The following TNXB variants were observed in gnomAD, a reference collection of about 807,000 sequenced individuals.
TNXB encodes the protein tenascin XB.
A neutral mutation model predicts 340.5 loss-of-function variants in TNXB; 183 were observed. The observed-to-expected ratio is 0.54, with a 90% CI of 0.48 to 0.61. The LOEUF (loss-of-function observed/expected upper bound fraction) is 0.61. Ranked by LOEUF, TNXB falls within the 20% of genes least tolerant of loss-of-function variation. The probability of loss-of-function intolerance (pLI) is 0.00; values close to 1 mark genes in which losing one functional copy is unlikely to be tolerated. For synonymous variants in TNXB, 2,121 were observed against 2,314.5 expected, an observed-to-expected ratio of 0.92 and a Z score of 2.40; for missense variants, 4,613 against 5,446.4, an observed-to-expected ratio of 0.85 and a Z score of 4.82.
At chr6:32,065,719 A>G (rs1778300410) in intron 18 of TNXB, among the ~76,000 whole-genome samples, 1 of 152,232 alleles carries the variant, frequency 6.6e-6, no homozygotes, top group Admixed American at 6.5e-5. Flanking sequence ...TCCTGGGTGC[A>G]AGCAATTTCT....
Position 32,082,261 on chromosome 6 carries a change from T to A in TNXB, c.3511A>T (p.Thr1171Ser). The change falls in exon 9 of 44, where the codon ACC becomes TCC. Residue 1171 changes from threonine (T) to serine (S), a missense_variant. This residue lies in a region of TNXB where 4,327 missense variants were observed against 4,859.4 expected (regional missense o/e 0.89). Coordinates refer to ENST00000644971, the MANE Select transcript of TNXB (RefSeq NM_001365276.2). The surrounding 1 kb of genome is among the most constrained non-coding windows in gnomAD (Gnocchi z 5.0). ...HLGNLWVTDP[T>S]PDSLHLSWTV... ...CAGGAGAGGTGCAGTGAATCTGGGG[T>A]AGGGTCTGTCACCCACAGGTTTCCC... 1 of 1,607,176 alleles carries A rather than the reference T, an allele frequency of 6.2e-7. No individual in the cohort carries two copies. Among genetic ancestry groups the A allele is most frequent in the Non-Finnish European group, 8.5e-7 (1 of 1,177,436 alleles).
At position 32,081,357 on chromosome 6, in the gene TNXB, C is replaced by A; in HGVS notation, c.4042+11G>T. On this transcript the variant is annotated intron_variant, in intron 10 of 43. Transcript: ENST00000644971. This position sits in a 1 kb window ranked among gnomAD's most constrained non-coding sequence, Gnocchi z 5.1. ...CTAGCAGGGGAGGGAGGCCTGGCAG[C>A]CATGACTCACCAGTCTTGGCCACCA... 2 of 1,526,782 alleles carry A rather than the reference C, an allele frequency of 1.3e-6. No homozygotes were observed. The highest frequency in any genetic ancestry group is 8.8e-7 in the Non-Finnish European group (1 of 1,129,962). 94.6% of individuals were successfully genotyped at this position (1,526,782 alleles called of 1,614,324 possible).
intron 23 of TNXB, among the ~76,000 whole-genome samples, 164 bp downstream of exon 23, chr6:32,056,422 G>A (rs1777645933): frequency 6.6e-6 from 1 of 152,096 alleles, no homozygotes. Context: ...CTGCTCAGGA[G>A]GAGCCAGGGG....
In TNXB at chr6:32,070,290, C is replaced by T; in HGVS notation, c.5115G>A (p.Val1705=). The change falls in exon 14 of 44, where the codon GTG becomes GTA. Residue 1705 remains valine (V), a synonymous_variant. Transcript: ENST00000644971. The surrounding 1 kb of genome is among the most constrained non-coding windows in gnomAD (Gnocchi z 6.0). The part of the protein sequence containing the change: ...TVPEGQFDSF[V]VQFKDKDGPQ... ...GCCCGTCTTTGTCCTTGAACTGGAC[C>T]ACAAAAGAGTCGAACTGGCCCTCAG... The T allele has an allele frequency of 6.2e-7, 1 of 1,613,122 alleles. No homozygotes were observed. The highest frequency in any genetic ancestry group is 8.5e-7 in the Non-Finnish European group (1 of 1,179,584).
chr6:32,094,263 C>T (rs1780213504), intron 4 of TNXB, among the ~76,000 whole-genome samples: 1 of 150,884 alleles, frequency 6.6e-6, no homozygotes, highest in Non-Finnish European at 1.5e-5. Flanking sequence ...TAACATTGAA[C>T]AGGGCCAAAT....
At position 32,069,194 on chromosome 6, in the gene TNXB, CAGG is replaced by C; in HGVS notation, c.5588-61_5588-59del. 2 of 1,516,676 alleles carry C rather than the reference CAGG, an allele frequency of 1.3e-6. No homozygotes were observed. Among genetic ancestry groups the C allele is most frequent in the Non-Finnish European group, 8.9e-7 (1 of 1,127,734 alleles). 94.0% of individuals were successfully genotyped at this position (1,516,676 alleles called of 1,614,324 possible). On this transcript the variant is annotated intron_variant, in intron 15 of 43. Coordinates refer to ENST00000644971, the MANE Select transcript of TNXB (RefSeq NM_001365276.2). This position sits in a 1 kb window ranked among gnomAD's most constrained non-coding sequence, Gnocchi z 6.2. ...TGGTGTGTCGCTGCACCCAGACTCT[CAGG>C]AGGAGTGAGGGAGGAGAGGGAGTGA...
rs1384747619 is a variant in TNXB at position 32,073,931 on chromosome 6, G to A, written c.4397C>T (p.Pro1466Leu). The A allele has an allele frequency of 7.5e-6, 12 of 1,601,430 alleles. No individual in the cohort carries two copies. The highest frequency in any genetic ancestry group is 2.2e-5 in the East Asian group (1 of 44,690). The change falls in exon 12 of 44, where the codon CCT becomes CTT. Residue 1466 changes from proline to leucine, a missense_variant. Coordinates refer to ENST00000644971, the MANE Select transcript of TNXB (RefSeq NM_001365276.2). This position sits in a 1 kb window ranked among gnomAD's most constrained non-coding sequence, Gnocchi z 4.6. ...GVTAPQQEET[P>L]PATESPLEPR... The stretch of plus-strand genomic sequence containing the variant: ...CTCCAGCGGGGACTCAGTGGCTGGA[G>A]GGGTCTCTTCTTGTTGTGGGGCTGG...
At position 32,097,532 on chromosome 6, in the gene TNXB, C is replaced by G. The variant is rs1304487522; in HGVS notation, c.404-83G>C. 6.7e-7 allele frequency: 1 copy of G among 1,481,642 alleles called. No homozygotes were observed. 91.8% of individuals were successfully genotyped at this position (1,481,642 alleles called of 1,614,324 possible). A position where few individuals can be genotyped will look rare whatever the true frequency, so the allele number is the denominator to read the frequency against. ...TATGTAGTGCTCCTATGTGCAGGCCCCTAGCCAGGCTAGCCTCATCTCATA... is the reference window on the plus strand; with the variant it reads ...TATGTAGTGCTCCTATGTGCAGGCCGCTAGCCAGGCTAGCCTCATCTCATA... On this transcript the variant is annotated intron_variant, in intron 2 of 43. Transcript: ENST00000644971. This position sits in a 1 kb window ranked among gnomAD's most constrained non-coding sequence, Gnocchi z 5.9.
rs768579099 is a variant in TNXB at position 32,056,147 on chromosome 6, G to A, written c.8171C>T (p.Thr2724Met). 5.0e-6 allele frequency: 8 copies of A among 1,612,120 alleles called. No homozygotes were observed. In the Admixed American group the frequency reaches 5.0e-5, roughly 10 times the overall value. Residue 2724 changes from threonine (T) to methionine (M), a missense_variant, in exon 24 of 44, where the codon ACG becomes ATG. Around this residue, in one of 7 missense-constraint regions of TNXB, gnomAD observed 4,327 missense variants for 4,859.4 expected, o/e 0.89. Coordinates refer to ENST00000644971, the MANE Select transcript of TNXB (RefSeq NM_001365276.2). ...CTCCGGGGCCTCAGTGCTGAGTTCC[G>A]TGGGGCTGGGGGTCTCTTCCTCTGC... ...TAAEEETPSP[T>M]ELSTEAPEPP... is the part of the protein sequence containing the mutation.
chr6:32,088,343 G>A (rs912899039), intron 6 of TNXB, among the ~76,000 whole-genome samples: 1 of 152,116 alleles, frequency 6.6e-6, no homozygotes, highest in Non-Finnish European at 1.5e-5. Context: ...AAGAAACCTC[G>A]AGGTTTAGTG....
chr6:32,098,339 C>G, intron 1 of TNXB, 133 bp from the exon 2 acceptor site: 3 of 711,008 alleles, frequency 4.2e-6, no homozygotes, highest in Non-Finnish European at 6.4e-6. Context: ...TAAAAATTCA[C>G]ATTCCGCCCA....
At chr6:32,099,032 T>C (rs1582483849) in intron 1 of TNXB, among the ~76,000 whole-genome samples, 1 of 152,196 alleles carries the variant, frequency 6.6e-6, no homozygotes, top group Non-Finnish European at 1.5e-5. Context: ...AATGCTACAA[T>C]GGGAGCTCCT....
chr6:32,107,280 T>C (rs977179538), intron 1 of TNXB, among the ~76,000 whole-genome samples: 3 of 151,878 alleles, frequency 2.0e-5, no homozygotes, highest in Non-Finnish European at 4.4e-5. Context: ...GCAGAGAGGG[T>C]CTTTGCACCA....
In TNXB at chr6:32,051,788, T is replaced by C. The variant is rs1391396740; in HGVS notation, c.9115+882A>G. 2.6e-5 allele frequency among the ~76,000 whole-genome samples: 4 copies of C among 152,032 alleles called. No individual in the cohort carries two copies. Among genetic ancestry groups the C allele is most frequent in the African/African-American group, 9.7e-5 (4 of 41,398 alleles). On this transcript the variant is annotated intron_variant, in intron 26 of 43. Coordinates refer to ENST00000644971, the MANE Select transcript of TNXB (RefSeq NM_001365276.2). This position sits in a 1 kb window ranked among gnomAD's most constrained non-coding sequence, Gnocchi z 4.7. ...ATTCTGACTGATGCTACGACATAGA[T>C]GAACCTTAAAGACATTGTATTTAAT...
At chr6:32,092,030 C>A (rs146818970) in intron 4 of TNXB, among the ~76,000 whole-genome samples, 2 of 152,230 alleles carry the variant, frequency 1.3e-5, no homozygotes, top group African/African-American at 2.4e-5. Flanking sequence ...TTCAGGAACT[C>A]ATCTCCCTCA....
chr6:32,106,551 TC>T (rs748058573), intron 1 of TNXB, among the ~76,000 whole-genome samples: 87 of 152,270 alleles, frequency 5.7e-4, no homozygotes, highest in African/African-American at 1.9e-3. Flanking sequence ...TAAACTTTTC[TC>T]CTGGATCAGA....
Position 32,068,180 on chromosome 6 carries a change from C to G in TNXB, c.6221-196G>C, listed in dbSNP as rs1366195377. Among the ~76,000 whole-genome samples the G allele has an allele frequency of 6.6e-6, 1 of 152,150 alleles. No homozygotes were observed. Among genetic ancestry groups the G allele is most frequent in the Non-Finnish European group, 1.5e-5 (1 of 68,010 alleles). Reference sequence around the variant, plus strand: ...GCTGTGGGGGACCTGGGACAGCCACCAGCACAGCAAAATTCCCGATGGCCC... The same window carrying G: ...GCTGTGGGGGACCTGGGACAGCCACGAGCACAGCAAAATTCCCGATGGCCC... On this transcript the variant is annotated intron_variant, in intron 17 of 43. Coordinates refer to ENST00000644971, the MANE Select transcript of TNXB (RefSeq NM_001365276.2). This position sits in a 1 kb window ranked among gnomAD's most constrained non-coding sequence, Gnocchi z 5.3.
At chr6:32,093,467 T>C (rs1780172462) in intron 4 of TNXB, 2 of 686,012 alleles carry the variant, frequency 2.9e-6, no homozygotes, top group South Asian at 1.5e-5. Flanking sequence ...CTGAGGAGCA[T>C]AATGACAAGA....
Position 32,079,260 on chromosome 6 carries a change from G to A in TNXB, c.4148C>T (p.Ser1383Phe). The A allele has an allele frequency of 6.2e-7, 1 of 1,613,560 alleles. No homozygotes were observed. The highest frequency in any genetic ancestry group is 8.5e-7 in the Non-Finnish European group (1 of 1,179,870). ...PLLGELTVTG[S>F]SPDSLSLFWT... Reference sequence around the variant, plus strand: ...GAAGAGGCTCAGCGAATCAGGGGAGGATCCTGTCACTGTCAGCTCCCCCAG... The same window carrying A: ...GAAGAGGCTCAGCGAATCAGGGGAGAATCCTGTCACTGTCAGCTCCCCCAG... The change falls in exon 11 of 44, where the codon TCC (serine) becomes TTC (phenylalanine). Residue 1383 changes from serine to phenylalanine, a missense_variant. This residue lies in a region of TNXB where 4,327 missense variants were observed against 4,859.4 expected (regional missense o/e 0.89). Coordinates refer to ENST00000644971, the MANE Select transcript of TNXB (RefSeq NM_001365276.2). This position sits in a 1 kb window ranked among gnomAD's most constrained non-coding sequence, Gnocchi z 7.1.
Sources: gnomAD v4.1 joint callset for allele counts (sites outside exome capture counted in the v4.1 genomes callset) on GRCh38, gnomAD v4.1.1 for gene constraint, gnomAD v4.1.1 regional missense constraint, Gnocchi (gnomAD v3.1) non-coding constraint, MANE v1.5 for transcripts, NCBI Gene and HGNC (gene_info 2026-07-23, HGNC 2026-07-21) for gene names.